NAV1: variants seen among roughly 807,000 people sequenced by gnomAD.
NAV1 encodes neuron navigator 1.
In NAV1, 18 loss-of-function variants were observed where a neutral mutation model predicts 175.2. The ratio of observed to expected loss-of-function variants is 0.10; its 90% CI spans 0.07 to 0.15. NAV1 has a LOEUF of 0.15. Among genes scored for constraint, NAV1 ranks in the 10% least tolerant of loss-of-function variants. The pLI is 1.00. For missense variants in NAV1, 1,731 were observed against 2,436.6 expected (o/e 0.71, Z 6.10); for synonymous variants, 897 against 978.7 (o/e 0.92, Z 1.56).
At chr1:201,597,301 C>T (rs1382603864) in intron 2 of NAV1, among the ~76,000 whole-genome samples, 2 of 152,222 alleles carry the variant, frequency 1.3e-5, no homozygotes, top group Admixed American at 1.3e-4. Flanking sequence ...TCCCATCTGG[C>T]TTCCCAGCCT....
intron 1 of NAV1, among the ~76,000 whole-genome samples, chr1:201,652,579 G>C (rs950033421): frequency 6.6e-6 from 1 of 152,202 alleles, no homozygotes; most frequent in South Asian, 2.1e-4. Context: ...TGGGTCTGGG[G>C]GCTAAGCTGG....
chr1:201,701,042 GA>G, intron 1 of NAV1, among the ~76,000 whole-genome samples: 1 of 119,444 alleles, frequency 8.4e-6, no homozygotes, highest in East Asian at 2.6e-4. Context: ...AGAAAGAAAA[GA>G]AAATGTGGCA....
At chr1:201,814,213 A>T (rs1488237344) in intron 28 of NAV1, among the ~76,000 whole-genome samples, 1 of 151,840 alleles carries the variant, frequency 6.6e-6, no homozygotes, top group Non-Finnish European at 1.5e-5. Flanking sequence ...TACAAAAAAT[A>T]AAAAAAATCA....
chr1:201,644,388 C>T (rs1360470863), upstream of NAV1, among the ~76,000 whole-genome samples: 1 of 152,204 alleles, frequency 6.6e-6, no homozygotes, highest in Non-Finnish European at 1.5e-5. Context: ...GCTGTTGCCA[C>T]AGCAGCAGAG....
chr1:201,766,005 C>T (rs1446692714), intron 3 of NAV1, among the ~76,000 whole-genome samples: 2 of 152,144 alleles, frequency 1.3e-5, no homozygotes, highest in African/African-American at 4.8e-5. Flanking sequence ...GTTATTGAAA[C>T]CATTTGTTTT....
At chr1:201,685,712 G>C (rs1225853862) in intron 1 of NAV1, among the ~76,000 whole-genome samples, 2 of 152,188 alleles carry the variant, frequency 1.3e-5, no homozygotes, top group Non-Finnish European at 2.9e-5. Context: ...TCTAAACCAA[G>C]TCCACAAGAC....
upstream of NAV1, among the ~76,000 whole-genome samples, chr1:201,646,646 T>C (rs955502753): frequency 1.3e-5 from 2 of 152,168 alleles, no homozygotes; most frequent in African/African-American, 4.8e-5. Flanking sequence ...CTTTCTGCTA[T>C]GATCCCTGTC....
chr1:201,659,899 T>G (rs1235248991), intron 1 of NAV1, among the ~76,000 whole-genome samples: 1 of 152,220 alleles, frequency 6.6e-6, no homozygotes, highest in African/African-American at 2.4e-5. Flanking sequence ...CTGTTCCAGT[T>G]GCCATGCCCT....
At chr1:201,655,493 G>C (rs1302045303) in intron 1 of NAV1, among the ~76,000 whole-genome samples, 1 of 152,238 alleles carries the variant, frequency 6.6e-6, no homozygotes, top group Non-Finnish European at 1.5e-5. Flanking sequence ...CTGGCCCTGC[G>C]TGGGCAGGTT....
chr1:201,581,979 C>T (rs1054499040), intron 1 of NAV1, among the ~76,000 whole-genome samples: 9 of 152,258 alleles, frequency 5.9e-5, no homozygotes, highest in Non-Finnish European at 1.2e-4. Flanking sequence ...GCCTGTAGTC[C>T]CAGCTACTCG....
chr1:201,658,391 T>C (rs1014313219), intron 1 of NAV1, among the ~76,000 whole-genome samples: 1 of 151,920 alleles, frequency 6.6e-6, no homozygotes, highest in Non-Finnish European at 1.5e-5. Context: ...TGGGGGCACA[T>C]GTGAGATGGT....
chr1:201,740,148 C>T lies in NAV1; in HGVS notation c.1226+21393C>T, dbSNP rs1281728091. 1.6e-6 allele frequency: 2 copies of T among 1,219,782 alleles called. No homozygotes were observed. Among genetic ancestry groups the T allele is most frequent in the Non-Finnish European group, 2.2e-6 (2 of 904,226 alleles). The allele number at this position is 1,219,782 out of a possible 1,614,324, so 75.6% of individuals were successfully genotyped here. ...GGGTCGGGTTTGTGGCACCCCCAGC[C>T]CCGCCGCAGCCCCCCAGTTCCGCCG... On this transcript the variant is annotated intron_variant, in intron 3 of 29. Transcript: ENST00000367296. This position sits in a 1 kb window ranked among gnomAD's most constrained non-coding sequence, Gnocchi z 4.7.
intron 15 of NAV1, chr1:201,798,480 A>G (rs2102769016): frequency 6.6e-6 from 1 of 152,084 alleles, no homozygotes; most frequent in East Asian, 1.9e-4. Flanking sequence ...ATTCTTAAAA[A>G]ATTAGCCTGT....
At chr1:201,617,229 T>G (rs1432820434) in intron 2 of NAV1, among the ~76,000 whole-genome samples, 1 of 151,760 alleles carries the variant, frequency 6.6e-6, no homozygotes, top group Non-Finnish European at 1.5e-5. Flanking sequence ...TCTCTCTCTC[T>G]CTCTCTCTCT....
chr1:201,747,244 G>A (rs917736538), intron 3 of NAV1, among the ~76,000 whole-genome samples: 4 of 152,140 alleles, frequency 2.6e-5, no homozygotes, highest in African/African-American at 9.7e-5. Context: ...ATGCACACAC[G>A]GTCCTGCCTG....
At chr1:201,705,026 C>T (rs891687812) in intron 1 of NAV1, among the ~76,000 whole-genome samples, 11 of 152,132 alleles carry the variant, frequency 7.2e-5, no homozygotes, top group African/African-American at 2.7e-4. Flanking sequence ...GCTGTGTTGC[C>T]CAGGCTGGTC....
At chr1:201,612,407 T>C (rs1227784376) in intron 2 of NAV1, among the ~76,000 whole-genome samples, 4 of 152,348 alleles carry the variant, frequency 2.6e-5, no homozygotes, top group Non-Finnish European at 5.9e-5. Flanking sequence ...TGAGCAGTGA[T>C]AACGCCACTG....
At chr1:201,589,502 G>GT (rs1223734710) in intron 2 of NAV1, among the ~76,000 whole-genome samples, 3 of 151,994 alleles carry the variant, frequency 2.0e-5, no homozygotes, top group Admixed American at 6.6e-5. Context: ...TTTGTTTTTC[G>GT]TTTTTTTGAG....
intron 1 of NAV1, among the ~76,000 whole-genome samples, chr1:201,662,398 A>G (rs1486376358): frequency 6.6e-6 from 1 of 152,202 alleles, no homozygotes; most frequent in East Asian, 1.9e-4. Flanking sequence ...AAGGGCCAGT[A>G]TGTCTGCTAC....
Sources: allele counts gnomAD v4.1 joint callset (sites outside exome capture counted in the v4.1 genomes callset), GRCh38; gene constraint gnomAD v4.1.1; non-coding constraint Gnocchi (gnomAD v3.1); transcripts MANE v1.5; gene names NCBI Gene and HGNC (gene_info 2026-07-23, HGNC 2026-07-21).